Variants in CYTH4 observed in about 807,000 individuals in gnomAD.
CYTH4 encodes the protein cytohesin 4.
In CYTH4, 22 loss-of-function variants were observed where a neutral mutation model predicts 57.5. The observed-to-expected ratio is 0.38, with a 90% CI of 0.27 to 0.55. The LOEUF is 0.55. Ranked by LOEUF, CYTH4 falls within the 20% of genes least tolerant of loss-of-function variation. CYTH4 has a pLI of 0.74. For synonymous variants in CYTH4, 186 were observed against 206.5 expected (o/e 0.90, Z 0.85); for missense variants, 420 against 535.6 (o/e 0.78, Z 2.13).
chr22:37,292,468 G>A (rs1179402667), intron 1 of CYTH4, 153 bp from the exon 2 acceptor site: 2 of 692,748 alleles, frequency 2.9e-6, no homozygotes, highest in African/African-American at 3.5e-5. Context: ...GGCTGCTTTA[G>A]ACAGGGCAGT....
rs183662549 is a variant in CYTH4, at chr22:37,295,877, G to C, written c.168-122G>C. On this transcript the variant is annotated intron_variant, in intron 3 of 12. Transcript: ENST00000248901. This position sits in a 1 kb window ranked among gnomAD's most constrained non-coding sequence, Gnocchi z 4.1. ...CCCAGGTGGTTCCCATGCAGGACCC[G>C]GAGGCCACACTTGGAGGGCCCTAGA... The C allele has an allele frequency of 2.0e-6, 2 of 1,009,572 alleles. No homozygotes were observed. Among genetic ancestry groups the C allele is most frequent in the Non-Finnish European group, 3.0e-6 (2 of 661,776 alleles). 62.5% of individuals were successfully genotyped at this position (1,009,572 alleles called of 1,614,324 possible).
Position 37,303,341 on chromosome 22 carries a change from G to T in CYTH4, c.635G>T (p.Arg212Leu). ...GTCCGGGACAGGCCGCCTTTTGAGC[G>T]CTTTGTGTCCATGAACCGCGGCATC... ...PNVRDRPPFE[R>L]FVSMNRGINN... is the part of the protein sequence containing the mutation. The change falls in exon 8 of 13, where the codon CGC (arginine) becomes CTC (leucine). Residue 212 changes from arginine (R) to leucine (L), a missense_variant. By Grantham distance (102) the Arg-to-Leu change is moderately radical. Coordinates refer to ENST00000248901, the MANE Select transcript of CYTH4 (RefSeq NM_013385.5). 1.2e-6 allele frequency: 2 copies of T among 1,614,142 alleles called. No homozygotes were observed. Among genetic ancestry groups the T allele is most frequent in the Non-Finnish European group, 1.7e-6 (2 of 1,180,022 alleles).
chr22:37,314,775 T>G lies in CYTH4; in HGVS notation c.*1264T>G. Reference sequence around the variant, plus strand: ...GGGGAGCCCCTGGAGGGAAATTCCTTGGCAGGGGAACAGGAAATGTGGCCG... The same window carrying G: ...GGGGAGCCCCTGGAGGGAAATTCCTGGGCAGGGGAACAGGAAATGTGGCCG... On this transcript the variant is annotated 3_prime_UTR_variant, in exon 13 of 13. Coordinates refer to ENST00000248901, the MANE Select transcript of CYTH4 (RefSeq NM_013385.5). 4 of 192,520 alleles carry G rather than the reference T, an allele frequency of 2.1e-5. No homozygotes were observed. Among genetic ancestry groups the G allele is most frequent in the Non-Finnish European group, 2.1e-5 (2 of 94,530 alleles). 11.9% of individuals were successfully genotyped at this position (192,520 alleles called of 1,614,324 possible).
intron 8 of CYTH4, among the ~76,000 whole-genome samples, chr22:37,304,805 C>T (rs1929337910): frequency 6.6e-6 from 1 of 152,166 alleles, no homozygotes; most frequent in Non-Finnish European, 1.5e-5. Flanking sequence ...TGGGCAATGA[C>T]TCACTGGAGT....
chr22:37,313,484 G>C lies in CYTH4; in HGVS notation c.1158G>C (p.Arg386=), dbSNP rs1284968799. Residue 386 remains arginine, a synonymous_variant, in exon 13 of 13, where the codon CGG becomes CGC. Coordinates refer to ENST00000248901, the MANE Select transcript of CYTH4 (RefSeq NM_013385.5). ...CCTTCTACGACCTGGTCTCTACTCG[G>C]AAGAAGAAGATTGCCAGCAAGCAGT... ...RVPFYDLVST[R]KKKIASKQ 4 of 1,614,156 alleles carry C rather than the reference G, an allele frequency of 2.5e-6. No individual in the cohort carries two copies. The highest frequency in any genetic ancestry group is 3.4e-6 in the Non-Finnish European group (4 of 1,179,992).
rs372920790 is a variant in CYTH4 at position 37,314,129 on chromosome 22, G to A, written c.*618G>A. The A allele has an allele frequency of 1.0e-4, 38 of 372,866 alleles. No individual in the cohort carries two copies. The highest frequency in any genetic ancestry group is 5.8e-4 in the African/African-American group (28 of 48,056). The allele number at this position is 372,866 out of a possible 1,614,324, so 23.1% of individuals were successfully genotyped here. On this transcript the variant is annotated 3_prime_UTR_variant, in exon 13 of 13. Transcript: ENST00000248901. Reference sequence around the variant, plus strand: ...TCAGTCCCAGCTCTGCCTCTGACTCGCTGTGTGCCCTCTGCCAAGTCATGC... The same window carrying A: ...TCAGTCCCAGCTCTGCCTCTGACTCACTGTGTGCCCTCTGCCAAGTCATGC...
At chr22:37,308,669 C>A (rs146745495) in intron 8 of CYTH4, among the ~76,000 whole-genome samples, 56 of 149,144 alleles carry the variant, frequency 3.8e-4, no homozygotes, top group Middle Eastern at 3.5e-3. Flanking sequence ...TATGTGTGAG[C>A]GTGCTTGCAT....
At chr22:37,290,209 C>A (rs763430281) in intron 1 of CYTH4, among the ~76,000 whole-genome samples, 1 of 152,176 alleles carries the variant, frequency 6.6e-6, no homozygotes, top group Non-Finnish European at 1.5e-5. Context: ...TATGTACCCC[C>A]ACTCAAATGT....
chr22:37,305,749 G>A (rs2145867374), intron 8 of CYTH4, among the ~76,000 whole-genome samples: 1 of 152,332 alleles, frequency 6.6e-6, no homozygotes, highest in South Asian at 2.1e-4. Flanking sequence ...ATTAAGTGAG[G>A]AGGACATGTA....
chr22:37,309,421 G>C (rs770906386), intron 9 of CYTH4, 98 bp downstream of exon 9: 38 of 1,072,250 alleles, frequency 3.5e-5, no homozygotes, highest in Middle Eastern at 2.0e-4. Context: ...GCCCCCAGCT[G>C]ACACGAGGCT....
intron 8 of CYTH4, among the ~76,000 whole-genome samples, chr22:37,307,874 G>A (rs1472341612): frequency 6.6e-6 from 1 of 152,184 alleles, no homozygotes; most frequent in Non-Finnish European, 1.5e-5. Context: ...AGCACACAGG[G>A]GTGATCTGGC....
chr22:37,309,032 G>A (rs567488090), intron 8 of CYTH4, among the ~76,000 whole-genome samples, 180 bp from the exon 9 acceptor site: 1 of 152,246 alleles, frequency 6.6e-6, no homozygotes, highest in African/African-American at 2.4e-5. Flanking sequence ...GGCCCAGGCT[G>A]AATGGAGGGA....
rs1929781717 is a variant in CYTH4, at chr22:37,314,476, C to T, written c.*965C>T. On this transcript the variant is annotated 3_prime_UTR_variant, in exon 13 of 13. Coordinates refer to ENST00000248901, the MANE Select transcript of CYTH4 (RefSeq NM_013385.5). ...GCACTGTGGTTAACAGGAGGGCTGC[C>T]TGGAGGCAGTGGCTGAGCCAGAAAG... is the stretch of plus-strand genomic sequence containing the variant. The T allele has an allele frequency of 2.5e-6, 1 of 398,572 alleles. No homozygotes were observed. The highest frequency in any genetic ancestry group is 1.3e-4 in the South Asian group (1 of 7,862). The allele number at this position is 398,572 out of a possible 1,614,324, so 24.7% of individuals were successfully genotyped here.
At chr22:37,289,899 G>A (rs539290460) in intron 1 of CYTH4, among the ~76,000 whole-genome samples, 18 of 152,328 alleles carry the variant, frequency 1.2e-4, no homozygotes, top group African/African-American at 3.8e-4. Flanking sequence ...GGTATGTGAT[G>A]AGGGCCATTG....
chr22:37,296,479 G>A (rs1928975226), intron 4 of CYTH4: 1 of 189,512 alleles, frequency 5.3e-6, no homozygotes, highest in Non-Finnish European at 1.1e-5. Flanking sequence ...CTGCTAGTAG[G>A]AGCAGCAGCT....
At position 37,289,663 on chromosome 22, in the gene CYTH4, G is replaced by A. The variant is rs569987590; in HGVS notation, c.20-2958G>A. Among the ~76,000 whole-genome samples, 4 of 152,322 alleles carry A rather than the reference G, an allele frequency of 2.6e-5. No individual in the cohort carries two copies. The South Asian group carries it at 8.3e-4, about 32-fold the overall frequency. On this transcript the variant is annotated intron_variant, in intron 1 of 12. Transcript: ENST00000248901. ...GCTCTGCTCACACCTGCTCCTGGAC[G>A]TACCACTCACAAAGGGTTACTATTG...
intron 1 of CYTH4, among the ~76,000 whole-genome samples, chr22:37,289,548 G>A (rs547169466): frequency 7.2e-5 from 11 of 152,298 alleles, no homozygotes; most frequent in East Asian, 1.9e-4. Context: ...ATGTGGTCAC[G>A]GTGTAAGCAG....
chr22:37,286,769 C>A (rs936910038), intron 1 of CYTH4, among the ~76,000 whole-genome samples: 1 of 151,910 alleles, frequency 6.6e-6, no homozygotes, highest in African/African-American at 2.4e-5. Flanking sequence ...GGGAGGGGCA[C>A]AGTGTGAGAG....
chr22:37,307,631 G>A (rs1378739122), intron 8 of CYTH4, among the ~76,000 whole-genome samples: 2 of 152,202 alleles, frequency 1.3e-5, no homozygotes, highest in African/African-American at 2.4e-5. Context: ...CTTTGAGAGA[G>A]TCAAATGATA....
Sources: gnomAD v4.1 joint callset for allele counts (sites outside exome capture counted in the v4.1 genomes callset) on GRCh38, gnomAD v4.1.1 for gene constraint, Gnocchi (gnomAD v3.1) non-coding constraint, MANE v1.5 for transcripts, NCBI Gene and HGNC (gene_info 2026-07-23, HGNC 2026-07-21) for gene names.